SVIL: variants seen among roughly 807,000 people sequenced by gnomAD.
SVIL encodes archvillin.
A neutral mutation model predicts 240.4 loss-of-function variants in SVIL; 101 were observed. The ratio of observed to expected loss-of-function variants is 0.42; its 90% CI spans 0.36 to 0.50. The LOEUF is 0.50. SVIL is among the 20% of genes least tolerant of loss of function. The probability of loss-of-function intolerance (pLI) is 0.01; values close to 1 mark genes in which losing one functional copy is unlikely to be tolerated. For missense variants in SVIL, 2,512 were observed against 2,818.7 expected (o/e 0.89, Z 2.46); for synonymous variants, 999 against 1,100.0 (o/e 0.91, Z 1.82).
At chr10:29,669,538 T>C (rs1007240116) in intron 2 of SVIL, among the ~76,000 whole-genome samples, 1 of 152,108 alleles carries the variant, frequency 6.6e-6, no homozygotes, top group African/African-American at 2.4e-5. Context: ...GTAGTTGCTC[T>C]GAGGAAAACA....
chr10:29,503,548 A>C (rs1214809444), intron 17 of SVIL, among the ~76,000 whole-genome samples: 5 of 152,208 alleles, frequency 3.3e-5, no homozygotes, highest in Non-Finnish European at 7.4e-5. Context: ...TTGACCTCTG[A>C]AAACACAGAT....
At chr10:29,463,109 C>T (rs143779805) in intron 35 of SVIL, among the ~76,000 whole-genome samples, 58 of 152,316 alleles carry the variant, frequency 3.8e-4, no homozygotes, top group African/African-American at 1.3e-3. Flanking sequence ...CATTCTCCAA[C>T]AGCGTGGTAG....
intron 5 of SVIL, among the ~76,000 whole-genome samples, chr10:29,552,297 C>G (rs1189368147): frequency 6.6e-6 from 1 of 151,924 alleles, no homozygotes; most frequent in Non-Finnish European, 1.5e-5. Flanking sequence ...AACTGTAATC[C>G]TAGCACTTTG....
rs540989933 is a variant in SVIL at position 29,559,599 on chromosome 10, T to C, written c.-51+3602A>G. ...CAGATATAAATAAACATCGATGGTCTAATTTCCATTTTAATGAGACATTTT... is the reference window on the plus strand; with the variant it reads ...CAGATATAAATAAACATCGATGGTCCAATTTCCATTTTAATGAGACATTTT... On this transcript the variant is annotated intron_variant, in intron 3 of 37. Coordinates refer to ENST00000355867, the MANE Select transcript of SVIL (RefSeq NM_021738.3). Among the ~76,000 whole-genome samples the C allele has an allele frequency of 5.3e-5, 8 of 152,360 alleles. No individual in the cohort carries two copies. In the East Asian group the frequency reaches 1.5e-3, roughly 29 times the overall value.
At chr10:29,704,884 A>G (rs1220757948) in intron 1 of SVIL, among the ~76,000 whole-genome samples, 1 of 152,158 alleles carries the variant, frequency 6.6e-6, no homozygotes, top group Non-Finnish European at 1.5e-5. Flanking sequence ...TGGGGAAGGG[A>G]ACAGGGAACT....
At chr10:29,655,250 C>T (rs189272405) in intron 3 of SVIL, among the ~76,000 whole-genome samples, 5 of 152,278 alleles carry the variant, frequency 3.3e-5, no homozygotes, top group Admixed American at 2.0e-4. Context: ...AGTGGTCAGT[C>T]CAAGTCCTAA....
intron 2 of SVIL, among the ~76,000 whole-genome samples, chr10:29,683,683 A>G (rs1960838067): frequency 1.3e-5 from 2 of 152,152 alleles, no homozygotes; most frequent in South Asian, 4.1e-4. Flanking sequence ...CTTTGCACAT[A>G]CTTTGATCAC....
intron 1 of SVIL, among the ~76,000 whole-genome samples, chr10:29,590,698 C>T (rs1008556577): frequency 7.2e-5 from 11 of 152,206 alleles, no homozygotes; most frequent in African/African-American, 2.7e-4. Context: ...AACCCGGACA[C>T]ATGCTTGTGT....
At chr10:29,693,658 G>C (rs1961694022) in intron 1 of SVIL, among the ~76,000 whole-genome samples, 1 of 152,108 alleles carries the variant, frequency 6.6e-6, no homozygotes, top group South Asian at 2.1e-4. Flanking sequence ...ACACACACAA[G>C]ACACCTGCAA....
intron 1 of SVIL, among the ~76,000 whole-genome samples, chr10:29,710,475 CCTGA>C: frequency 6.6e-6 from 1 of 152,286 alleles, no homozygotes; most frequent in Non-Finnish European, 1.5e-5. Flanking sequence ...GTGAAGAGAA[CCTGA>C]CTGATACACC....
chr10:29,469,969 C>T (rs1402157059), intron 32 of SVIL, among the ~76,000 whole-genome samples: 1 of 152,188 alleles, frequency 6.6e-6, no homozygotes, highest in Non-Finnish European at 1.5e-5. Context: ...GCTTCTCATC[C>T]AAAAGCTGAA....
intron 1 of SVIL, among the ~76,000 whole-genome samples, chr10:29,699,638 C>T (rs542704980): frequency 1.3e-5 from 2 of 152,294 alleles, no homozygotes; most frequent in African/African-American, 4.8e-5. Context: ...GCTCAGGACA[C>T]GCTGAAGCCA....
chr10:29,471,790 A>G (rs1423525861), intron 30 of SVIL, among the ~76,000 whole-genome samples: 2 of 152,232 alleles, frequency 1.3e-5, no homozygotes, highest in Admixed American at 1.3e-4. Context: ...ACCTCCCTCT[A>G]GGACACCTTT....
chr10:29,714,351 G>T (rs1044957055), intron 1 of SVIL, among the ~76,000 whole-genome samples: 3 of 152,148 alleles, frequency 2.0e-5, no homozygotes, highest in African/African-American at 7.2e-5. Context: ...TATGGGTTCA[G>T]ATTTTATTAT....
At chr10:29,661,425 A>T (rs372171075) in intron 2 of SVIL, among the ~76,000 whole-genome samples, 14 of 152,316 alleles carry the variant, frequency 9.2e-5, no homozygotes, top group African/African-American at 2.9e-4. Flanking sequence ...TAAAAGCAGA[A>T]AAGAATTCCA....
chr10:29,527,560 G>A (rs933652265), intron 12 of SVIL, among the ~76,000 whole-genome samples: 2 of 151,850 alleles, frequency 1.3e-5, no homozygotes, highest in African/African-American at 2.4e-5. Context: ...CTGAGTAGCT[G>A]GGATTACAGG....
intron 1 of SVIL, among the ~76,000 whole-genome samples, chr10:29,702,739 C>A (rs1221771267): frequency 6.6e-6 from 1 of 152,196 alleles, no homozygotes; most frequent in Non-Finnish European, 1.5e-5. Context: ...TATCTGTGGA[C>A]AATCTGCTCA....
chr10:29,715,948 A>C (rs1256198608), intron 1 of SVIL, among the ~76,000 whole-genome samples: 1 of 152,222 alleles, frequency 6.6e-6, no homozygotes, highest in African/African-American at 2.4e-5. Flanking sequence ...AATTAATTTC[A>C]CATGATTTTA....
In SVIL at chr10:29,576,836, G is replaced by A. The variant is rs375564954; in HGVS notation, c.-200-7524C>T. Among the ~76,000 whole-genome samples the A allele has an allele frequency of 4.6e-5, 7 of 152,140 alleles. No individual in the cohort carries two copies. In the East Asian group the frequency reaches 7.7e-4, roughly 17 times the overall value. ...GCTAGGATTACAGGCATGAGCCACC[G>A]CTCCCTGCTAGTAGTATTTCTTTTA... is the stretch of plus-strand genomic sequence containing the variant. On this transcript the variant is annotated intron_variant, in intron 1 of 37. Coordinates refer to ENST00000355867, the MANE Select transcript of SVIL (RefSeq NM_021738.3).
Sources: allele counts gnomAD v4.1 joint callset (sites outside exome capture counted in the v4.1 genomes callset), GRCh38; gene constraint gnomAD v4.1.1; transcripts MANE v1.5; gene names NCBI Gene and HGNC (gene_info 2026-07-23, HGNC 2026-07-21).